Variants in NKAIN3 observed in about 807,000 individuals in gnomAD.
The protein encoded by NKAIN3 is sodium/potassium transporting ATPase interacting 3.
In NKAIN3, 25 loss-of-function variants were observed where a neutral mutation model predicts 30.2. The observed-to-expected ratio is 0.83, with a 90% confidence interval of 0.60 to 1.16. The LOEUF is 1.16. Among genes scored for constraint, NKAIN3 ranks in the 50% most tolerant of loss-of-function variants. The pLI is 0.00. For missense variants in NKAIN3, 225 were observed against 254.1 expected (o/e 0.89, Z 0.78); for synonymous variants, 91 against 89.6 (o/e 1.02, Z -0.09).
chr8:62,252,332 A>G lies in NKAIN3; in HGVS notation c.54+3205A>G, dbSNP rs143849760. Among the ~76,000 whole-genome samples the G allele has an allele frequency of 5.2e-3, 786 of 152,358 alleles. 6 individuals are homozygous for G. The highest frequency in any genetic ancestry group is 0.018 in the African/African-American group (743 of 41,582). ...ATAGATGATACATTAGTTCCTCCTA[A>G]AAGTTAAAGAAACAAATAAAAGCTT... On this transcript the variant is annotated intron_variant, in intron 1 of 6. Transcript: ENST00000623646.
At chr8:62,362,573 G>T (rs1359500680) in intron 1 of NKAIN3, among the ~76,000 whole-genome samples, 6 of 152,264 alleles carry the variant, frequency 3.9e-5, no homozygotes, top group Admixed American at 3.9e-4. Flanking sequence ...AAGAGAAACT[G>T]CACAGTACAC....
chr8:62,943,189 G>GA (rs923964658), intron 5 of NKAIN3, among the ~76,000 whole-genome samples: 11 of 151,580 alleles, frequency 7.3e-5, no homozygotes, highest in South Asian at 2.1e-4. Context: ...TAATCCGCAG[G>GA]AAAAAAACAA....
chr8:62,419,610 G>C (rs1804568409), intron 1 of NKAIN3, among the ~76,000 whole-genome samples: 1 of 152,158 alleles, frequency 6.6e-6, no homozygotes, highest in Non-Finnish European at 1.5e-5. Context: ...AAATCTTGTA[G>C]AGAAGGAGTC....
At chr8:62,881,429 A>C (rs1326463536) in intron 4 of NKAIN3, among the ~76,000 whole-genome samples, 2 of 152,192 alleles carry the variant, frequency 1.3e-5, no homozygotes, top group African/African-American at 2.4e-5. Flanking sequence ...TGTGCACTTA[A>C]GTTTCCTCCA....
chr8:62,337,192 C>A (rs1815581629), intron 1 of NKAIN3, among the ~76,000 whole-genome samples: 1 of 152,034 alleles, frequency 6.6e-6, no homozygotes, highest in African/African-American at 2.4e-5. Context: ...CCTAGAAATG[C>A]ACAACATATC....
At position 62,535,277 on chromosome 8, in the gene NKAIN3, A is replaced by T. The variant is rs180980396; in HGVS notation, c.55-44262A>T. Among the ~76,000 whole-genome samples the T allele has an allele frequency of 8.5e-5, 13 of 152,214 alleles. No individual in the cohort carries two copies. The East Asian group carries it at 2.5e-3, about 29-fold the overall frequency. On this transcript the variant is annotated intron_variant, in intron 1 of 6. Coordinates refer to ENST00000623646, the MANE Select transcript of NKAIN3 (RefSeq NM_001304533.3). ...CTCTGTGTTTTCTATTCTCACACTAAAGCAATCATCAATACAGAAGAAGAC... is the reference window on the plus strand; with the variant it reads ...CTCTGTGTTTTCTATTCTCACACTATAGCAATCATCAATACAGAAGAAGAC...
At chr8:62,310,965 G>A (rs915183134) in intron 1 of NKAIN3, among the ~76,000 whole-genome samples, 4 of 150,272 alleles carry the variant, frequency 2.7e-5, no homozygotes, top group South Asian at 2.1e-4. Context: ...CTGACAAGCC[G>A]ACTGAGTCAG....
In NKAIN3 at chr8:62,976,142, G is replaced by A. The variant is rs114647857; in HGVS notation, c.*10735G>A. Among the ~76,000 whole-genome samples the A allele has an allele frequency of 2.6e-3, 392 of 152,298 alleles. 4 individuals are homozygous for A. The highest frequency in any genetic ancestry group is 8.6e-3 in the African/African-American group (359 of 41,558). ...TTAGGAAAATGTGCTATGTGATGCTGAGGAGAATGTATATTCTGTTGATTT... is the reference window on the plus strand; with the variant it reads ...TTAGGAAAATGTGCTATGTGATGCTAAGGAGAATGTATATTCTGTTGATTT... On this transcript the variant is annotated 3_prime_UTR_variant, in exon 7 of 7. Coordinates refer to ENST00000623646, the MANE Select transcript of NKAIN3 (RefSeq NM_001304533.3).
At chr8:62,520,188 G>C (rs1333027232) in intron 1 of NKAIN3, among the ~76,000 whole-genome samples, 1 of 152,074 alleles carries the variant, frequency 6.6e-6, no homozygotes, top group Non-Finnish European at 1.5e-5. Context: ...CTGCTTCTCA[G>C]CATGACCCTG....
intron 3 of NKAIN3, among the ~76,000 whole-genome samples, chr8:62,645,656 GTCTTC>G (rs1386864335): frequency 2.6e-5 from 4 of 152,036 alleles, no homozygotes; most frequent in Admixed American, 2.6e-4. Context: ...AAGCTCAAAG[GTCTTC>G]TCTTAAGTAG....
At chr8:62,855,486 T>C in intron 4 of NKAIN3, 1 of 1,379,138 alleles carries the variant, frequency 7.3e-7, no homozygotes, top group Non-Finnish European at 1.0e-6. Context: ...TTTTGTTTTC[T>C]CTTGGTAAAT....
At chr8:62,294,817 A>G (rs1813774715) in intron 1 of NKAIN3, among the ~76,000 whole-genome samples, 1 of 152,130 alleles carries the variant, frequency 6.6e-6, no homozygotes, top group Non-Finnish European at 1.5e-5. Context: ...AGTACTGGGA[A>G]TATAAGTGTG....
chr8:62,522,123 C>A (rs1023320781), intron 1 of NKAIN3, among the ~76,000 whole-genome samples: 7 of 152,094 alleles, frequency 4.6e-5, no homozygotes, highest in Admixed American at 2.0e-4. Flanking sequence ...ATCATATTCA[C>A]ATATAAAACA....
intron 1 of NKAIN3, among the ~76,000 whole-genome samples, chr8:62,559,026 G>A (rs1809489473): frequency 6.6e-6 from 1 of 151,768 alleles, no homozygotes; most frequent in South Asian, 2.1e-4. Flanking sequence ...AGTCCATTTT[G>A]GTCAAAGAAC....
intron 1 of NKAIN3, among the ~76,000 whole-genome samples, chr8:62,279,530 C>T (rs1242258904): frequency 6.6e-6 from 1 of 152,064 alleles, no homozygotes; most frequent in African/African-American, 2.4e-5. Context: ...GTCTTTAATC[C>T]ATCTTGAATT....
chr8:62,668,111 T>TACACACACATACACACACACACATAC (rs1813187107), intron 3 of NKAIN3, among the ~76,000 whole-genome samples: 1 of 149,026 alleles, frequency 6.7e-6, no homozygotes, highest in Middle Eastern at 3.2e-3. Flanking sequence ...CACACACACA[T>TACACACACATACACACACACACATAC]ACACACACAC....
intron 1 of NKAIN3, among the ~76,000 whole-genome samples, chr8:62,371,813 C>A (rs765840511): frequency 2.0e-5 from 3 of 151,876 alleles, no homozygotes; most frequent in Admixed American, 6.6e-5. Flanking sequence ...TAGTTTCAGA[C>A]TATTCTGCTT....
rs371005994 is a variant in NKAIN3, at chr8:62,852,635, A to G, written c.472-65818A>G. Among the ~76,000 whole-genome samples, 203 of 151,974 alleles carry G rather than the reference A, an allele frequency of 1.3e-3. 3 individuals carry two copies. Among genetic ancestry groups the G allele is most frequent in the Admixed American group, 0.013 (195 of 15,254 alleles). On this transcript the variant is annotated intron_variant, in intron 4 of 6. Transcript: ENST00000623646. ...TACACACTGCTTTGAATGTGTCCCA[A>G]AGATTCTGGTATGTTGTGTCTTTGT...
intron 4 of NKAIN3, among the ~76,000 whole-genome samples, chr8:62,833,485 A>G (rs1321694670): frequency 6.6e-6 from 1 of 152,046 alleles, no homozygotes; most frequent in African/African-American, 2.4e-5. Context: ...AGAAATGACA[A>G]AGTTGACATT....
Sources: gnomAD v4.1 joint callset for allele counts (sites outside exome capture counted in the v4.1 genomes callset) on GRCh38, gnomAD v4.1.1 for gene constraint, MANE v1.5 for transcripts, NCBI Gene and HGNC (gene_info 2026-07-23, HGNC 2026-07-21) for gene names.